The following SIM1 variants were observed in gnomAD, a reference collection of about 807,000 sequenced individuals.
SIM1 encodes single-minded homolog 1.
A neutral mutation model predicts 78.2 loss-of-function variants in SIM1; 18 were observed. That is an observed-to-expected ratio of 0.23 (90% CI 0.16 to 0.34). The LOEUF (loss-of-function observed/expected upper bound fraction) is 0.34. SIM1 is among the 10% of genes least tolerant of loss of function. The probability of loss-of-function intolerance (pLI) is 1.00; values close to 1 mark genes in which losing one functional copy is unlikely to be tolerated. For synonymous variants in SIM1, 417 were observed against 385.2 expected (o/e 1.08, Z -0.97); for missense variants, 939 against 975.1 (o/e 0.96, Z 0.49).
chr6:100,435,562 C>T lies in SIM1; in HGVS notation c.998+11706G>A, dbSNP rs74679633. Among the ~76,000 whole-genome samples, 1,453 of 152,216 alleles carry T rather than the reference C, an allele frequency of 9.5e-3. 29 individuals carry two copies. The highest frequency in any genetic ancestry group is 0.033 in the African/African-American group (1,373 of 41,520). ...ATGCAATGAACAAAACAATGTGCCA[C>T]GCCTCTTTCAGCTTAGAGCTAACAA... On this transcript the variant is annotated intron_variant, in intron 9 of 11. Transcript: ENST00000369208.
intron 9 of SIM1, among the ~76,000 whole-genome samples, chr6:100,439,711 C>A (rs569665147): frequency 6.6e-6 from 1 of 152,266 alleles, no homozygotes; most frequent in African/African-American, 2.4e-5. Flanking sequence ...GTAAAGTTGA[C>A]AAAACACTGA....
In SIM1 at chr6:100,385,066, CATTTT is replaced by C. The variant is rs1374469701; in HGVS notation, c.*5290_*5294del. 6.6e-6 allele frequency: 1 copy of C among 151,968 alleles called. No homozygotes were observed. The highest frequency in any genetic ancestry group is 1.5e-5 in the Non-Finnish European group (1 of 67,942). 9.4% of individuals were successfully genotyped at this position (151,968 alleles called of 1,614,324 possible). A position where few individuals can be genotyped will look rare whatever the true frequency, so the allele number is the denominator to read the frequency against. On this transcript the variant is annotated 3_prime_UTR_variant, in exon 12 of 12. Coordinates refer to ENST00000369208, the MANE Select transcript of SIM1 (RefSeq NM_005068.3). ...CAAAAAATTCCTCACATAATAAATACATTTTATGCACATTAACTTCGAATTTACTT... is the reference window on the plus strand; with the variant it reads ...CAAAAAATTCCTCACATAATAAATACATGCACATTAACTTCGAATTTACTT...
At chr6:100,394,144 C>T in intron 10 of SIM1, 1 of 382,336 alleles carries the variant, frequency 2.6e-6, no homozygotes, top group South Asian at 5.3e-5. Context: ...TAATGGCAAC[C>T]ATCGACTGAA....
chr6:100,399,498 T>C (rs1224986383), intron 10 of SIM1, among the ~76,000 whole-genome samples: 1 of 152,028 alleles, frequency 6.6e-6, no homozygotes, highest in East Asian at 1.9e-4. Flanking sequence ...ATCCTTGTGG[T>C]AGTGAAATTG....
At chr6:100,412,822 A>G (rs1771294696) in intron 10 of SIM1, among the ~76,000 whole-genome samples, 1 of 152,166 alleles carries the variant, frequency 6.6e-6, no homozygotes, top group Non-Finnish European at 1.5e-5. Context: ...GGAAGGAAGG[A>G]AAGTCACAGC....
At chr6:100,464,045 A>G (rs1757468305) in intron 1 of SIM1, 110 bp from the exon 2 acceptor site, 2 of 152,190 alleles carry the variant, frequency 1.3e-5, no homozygotes, top group Admixed American at 6.5e-5. Flanking sequence ...GCGCCTAGCC[A>G]GGCGTTTTGG....
chr6:100,433,740 C>CCACACACATA (rs1771967698), intron 9 of SIM1, among the ~76,000 whole-genome samples: 1 of 124,292 alleles, frequency 8.0e-6, no homozygotes, highest in East Asian at 2.5e-4. Flanking sequence ...ACCCCCCCAC[C>CCACACACATA]CACACACACA....
At chr6:100,411,272 G>A (rs1228366838) in intron 10 of SIM1, among the ~76,000 whole-genome samples, 1 of 152,140 alleles carries the variant, frequency 6.6e-6, no homozygotes, top group Admixed American at 6.5e-5. Context: ...AATAACAGCT[G>A]TCACATATTT....
chr6:100,424,079 G>T (rs376239529), intron 9 of SIM1, among the ~76,000 whole-genome samples: 1 of 80,146 alleles, frequency 1.2e-5, no homozygotes, highest in Non-Finnish European at 2.4e-5. Context: ...CCCACCCCCC[G>T]CCCAGGGTAC....
In SIM1 at chr6:100,394,772, C is replaced by G. The variant is rs567253444; in HGVS notation, c.1168-883G>C. Among the ~76,000 whole-genome samples, 7 of 152,262 alleles carry G rather than the reference C, an allele frequency of 4.6e-5. No homozygotes were observed. In the South Asian group the frequency reaches 1.5e-3, roughly 32 times the overall value. On this transcript the variant is annotated intron_variant, in intron 10 of 11. Coordinates refer to ENST00000369208, the MANE Select transcript of SIM1 (RefSeq NM_005068.3). ...AGGCTCCAATCTCCTGAAACTTAAT[C>G]TTCATTAAGTTAACTCTGTTAACTC...
At chr6:100,403,996 C>A (rs1668857242) in intron 10 of SIM1, among the ~76,000 whole-genome samples, 1 of 152,166 alleles carries the variant, frequency 6.6e-6, no homozygotes, top group African/African-American at 2.4e-5. Context: ...ATATACTATA[C>A]TTAGATAAGA....
At chr6:100,407,948 A>G (rs754391856) in intron 10 of SIM1, among the ~76,000 whole-genome samples, 1 of 151,892 alleles carries the variant, frequency 6.6e-6, no homozygotes, top group Admixed American at 6.6e-5. Flanking sequence ...TTTTCATTAT[A>G]TTGTTTATTT....
Position 100,389,778 on chromosome 6 carries a change from C to T in SIM1, c.*583G>A. ...CTCATTTTTGCACCATATCCAGAAC[C>T]ATTTCTCTAATTTATGCCTGAACCA... On this transcript the variant is annotated 3_prime_UTR_variant, in exon 12 of 12. Coordinates refer to ENST00000369208, the MANE Select transcript of SIM1 (RefSeq NM_005068.3). 1 of 398,994 alleles carries T rather than the reference C, an allele frequency of 2.5e-6. No homozygotes were observed. Among genetic ancestry groups the T allele is most frequent in the Non-Finnish European group, 4.4e-6 (1 of 226,124 alleles). 24.7% of individuals were successfully genotyped at this position (398,994 alleles called of 1,614,324 possible).
rs139667045 is a variant in SIM1 at position 100,393,785 on chromosome 6, A to G, written c.1272T>C (p.Asp424=). The G allele has an allele frequency of 2.9e-5, 47 of 1,614,000 alleles. No homozygotes were observed. Among genetic ancestry groups the G allele is most frequent in the Middle Eastern group, 1.6e-4 (1 of 6,084 alleles). ...ATGCGTCGTGCTGGGAGCCAGGCCTATCGGCGGGGTCCAGAAGCTGCGGAG... is the reference window on the plus strand; with the variant it reads ...ATGCGTCGTGCTGGGAGCCAGGCCTGTCGGCGGGGTCCAGAAGCTGCGGAG... The part of the protein sequence containing the change: ...TASPQLLDPA[D]RPGSQHDASC... Residue 424 remains aspartate (D), a synonymous_variant, in exon 11 of 12, where the codon GAT becomes GAC. Transcript: ENST00000369208.
At position 100,463,688 on chromosome 6, in the gene SIM1, G is replaced by A. The variant is rs1241588933; in HGVS notation, c.-220C>T. 7.0e-6 allele frequency: 3 copies of A among 428,090 alleles called. No homozygotes were observed. The highest frequency in any genetic ancestry group is 3.8e-5 in the Admixed American group (1 of 26,294). The allele number at this position is 428,090 out of a possible 1,614,324, so 26.5% of individuals were successfully genotyped here. On this transcript the variant is annotated 5_prime_UTR_variant, in exon 2 of 12. Transcript: ENST00000369208. ...CTTTGAAAATTCGGGATGCAGTATA[G>A]GAAAGTTGCTGATCCACCGAATTTG...
intron 9 of SIM1, among the ~76,000 whole-genome samples, chr6:100,425,425 AC>A (rs1771702048): frequency 6.6e-6 from 1 of 152,062 alleles, no homozygotes; most frequent in African/African-American, 2.4e-5. Flanking sequence ...GCAAATGGGG[AC>A]CTTATGCTCA....
At chr6:100,453,646 G>GC (rs1443983783) in intron 3 of SIM1, 116 bp downstream of exon 3, 2 of 766,854 alleles carry the variant, frequency 2.6e-6, no homozygotes, top group South Asian at 1.9e-5. Context: ...TGTTTTTGTG[G>GC]GGGGGGTTGT....
At chr6:100,419,885 C>T (rs1431297683) in intron 10 of SIM1, among the ~76,000 whole-genome samples, 2 of 152,072 alleles carry the variant, frequency 1.3e-5, no homozygotes, top group South Asian at 4.1e-4. Context: ...CAAGTGATCC[C>T]CCACCTCGAC....
intron 2 of SIM1, chr6:100,462,657 T>C (rs1441335662): frequency 6.6e-6 from 1 of 152,232 alleles, no homozygotes; most frequent in Non-Finnish European, 1.5e-5. Context: ...ACTAGCCTAT[T>C]ATCTTACAGA....
Sources: allele counts gnomAD v4.1 joint callset (sites outside exome capture counted in the v4.1 genomes callset), GRCh38; gene constraint gnomAD v4.1.1; transcripts MANE v1.5; gene names NCBI Gene and HGNC (gene_info 2026-07-23, HGNC 2026-07-21).